The following CAMTA1 variants were observed in gnomAD, a reference collection of about 807,000 sequenced individuals.
CAMTA1 encodes calmodulin binding transcription activator 1.
A neutral mutation model predicts 170.9 loss-of-function variants in CAMTA1; 27 were observed. That is an observed-to-expected ratio of 0.16 (90% CI 0.12 to 0.22). CAMTA1 has a LOEUF of 0.22. Among genes scored for constraint, CAMTA1 ranks in the 10% least tolerant of loss-of-function variants. The pLI is 1.00. For missense variants in CAMTA1, 1,619 were observed against 2,217.2 expected (o/e 0.73, Z 5.42); for synonymous variants, 833 against 891.5 (o/e 0.93, Z 1.17).
chr1:6,835,775 A>T (rs770976463), intron 3 of CAMTA1, among the ~76,000 whole-genome samples: 1 of 152,096 alleles, frequency 6.6e-6, no homozygotes, highest in Non-Finnish European at 1.5e-5. Context: ...CTTTTTTCTC[A>T]TGTCTTTAGC....
At chr1:7,020,880 G>T (rs1701242605) in intron 3 of CAMTA1, among the ~76,000 whole-genome samples, 1 of 152,220 alleles carries the variant, frequency 6.6e-6, no homozygotes, top group African/African-American at 2.4e-5. Context: ...ACAGAGGCAG[G>T]TGATCCCCTG....
chr1:6,792,614 A>C (rs1641435336), intron 1 of CAMTA1, among the ~76,000 whole-genome samples: 1 of 152,060 alleles, frequency 6.6e-6, no homozygotes, highest in African/African-American at 2.4e-5. Context: ...GAACTGATTG[A>C]CATGGCATAA....
At chr1:7,459,423 T>G (rs1314769552) in intron 5 of CAMTA1, among the ~76,000 whole-genome samples, 1 of 152,206 alleles carries the variant, frequency 6.6e-6, no homozygotes, top group Non-Finnish European at 1.5e-5. Context: ...TTGGTCCTCC[T>G]CCTGTGCCTT....
intron 6 of CAMTA1, among the ~76,000 whole-genome samples, chr1:7,529,450 C>A (rs1165342831): frequency 1.3e-5 from 2 of 152,128 alleles, no homozygotes; most frequent in Non-Finnish European, 2.9e-5. Flanking sequence ...GCTCGCTGAG[C>A]CCCCACAGAA....
At chr1:7,734,255 T>C (rs1035851769) in intron 12 of CAMTA1, among the ~76,000 whole-genome samples, 8 of 152,174 alleles carry the variant, frequency 5.3e-5, no homozygotes, top group African/African-American at 1.9e-4. Flanking sequence ...CCGATAGTAC[T>C]AAGTTTTATA....
chr1:7,572,945 G>GA (rs2095142432), intron 6 of CAMTA1, among the ~76,000 whole-genome samples: 4 of 152,288 alleles, frequency 2.6e-5, no homozygotes, highest in Admixed American at 2.6e-4. Context: ...CTCAGCCCCA[G>GA]CCCAGCCCCA....
At chr1:7,030,045 A>G (rs999345194) in intron 3 of CAMTA1, among the ~76,000 whole-genome samples, 4 of 152,220 alleles carry the variant, frequency 2.6e-5, no homozygotes, top group Admixed American at 6.5e-5. Context: ...ACAGATGCAT[A>G]ATTAGAAAAG....
At chr1:7,371,311 G>A (rs890190123) in intron 5 of CAMTA1, among the ~76,000 whole-genome samples, 1 of 151,534 alleles carries the variant, frequency 6.6e-6, no homozygotes, top group African/African-American at 2.4e-5. Flanking sequence ...AGGCTGGAGT[G>A]CAGTGGCGTA....
At chr1:6,849,395 GA>G (rs1659540969) in intron 3 of CAMTA1, among the ~76,000 whole-genome samples, 1 of 152,042 alleles carries the variant, frequency 6.6e-6, no homozygotes. Context: ...AATGAGAGAA[GA>G]AAGAGCTTCC....
At chr1:6,855,204 A>G (rs1008161435) in intron 3 of CAMTA1, among the ~76,000 whole-genome samples, 2 of 152,158 alleles carry the variant, frequency 1.3e-5, no homozygotes, top group African/African-American at 4.8e-5. Flanking sequence ...ACAAACACAA[A>G]TTCCAAATTT....
At chr1:7,614,185 A>C (rs1441776244) in intron 6 of CAMTA1, among the ~76,000 whole-genome samples, 1 of 152,058 alleles carries the variant, frequency 6.6e-6, no homozygotes. Flanking sequence ...CTGAAGGCTC[A>C]GGCTGAGTCC....
chr1:7,196,179 T>C (rs1655491887), intron 4 of CAMTA1, among the ~76,000 whole-genome samples: 2 of 151,894 alleles, frequency 1.3e-5, no homozygotes, highest in African/African-American at 4.9e-5. Flanking sequence ...GGTTTAAAAG[T>C]GTGTGGCACT....
intron 3 of CAMTA1, among the ~76,000 whole-genome samples, chr1:6,916,762 T>TA (rs1680895500): frequency 6.6e-6 from 1 of 152,158 alleles, no homozygotes; most frequent in East Asian, 1.9e-4. Flanking sequence ...TCACAGTAGA[T>TA]ACGTTTTCTG....
chr1:7,752,321 T>C (rs569027712), intron 20 of CAMTA1, 138 bp from the exon 21 acceptor site: 9 of 723,552 alleles, frequency 1.2e-5, no homozygotes, highest in African/African-American at 1.2e-4. Context: ...CCCCTTCAGA[T>C]TGTATACATC....
At chr1:6,903,738 T>C (rs1286245218) in intron 3 of CAMTA1, among the ~76,000 whole-genome samples, 1 of 152,220 alleles carries the variant, frequency 6.6e-6, no homozygotes, top group African/African-American at 2.4e-5. Context: ...ACTTTCCATA[T>C]GCCTAATCTT....
chr1:7,381,501 T>C (rs1383737149), intron 5 of CAMTA1, among the ~76,000 whole-genome samples: 1 of 151,886 alleles, frequency 6.6e-6, no homozygotes, highest in Non-Finnish European at 1.5e-5. Context: ...TTTTTATGGC[T>C]GCATAGTATT....
At chr1:6,832,014 C>CT (rs532124074) in intron 3 of CAMTA1, among the ~76,000 whole-genome samples, 1 of 151,946 alleles carries the variant, frequency 6.6e-6, no homozygotes, top group Non-Finnish European at 1.5e-5. Context: ...GAAAAATGGC[C>CT]TTTAACACTG....
chr1:7,027,536 G>A (rs1010068388), intron 3 of CAMTA1, among the ~76,000 whole-genome samples: 1 of 152,168 alleles, frequency 6.6e-6, no homozygotes, highest in Non-Finnish European at 1.5e-5. Context: ...TACTCCATCA[G>A]CTTGGTGTTT....
At chr1:7,339,240 G>A (rs769449309) in intron 5 of CAMTA1, among the ~76,000 whole-genome samples, 4 of 152,224 alleles carry the variant, frequency 2.6e-5, no homozygotes, top group Non-Finnish European at 5.9e-5. Context: ...ATATACTAAA[G>A]CCACTCCATT....
Sources: gnomAD v4.1 joint callset for allele counts (sites outside exome capture counted in the v4.1 genomes callset) on GRCh38, gnomAD v4.1.1 for gene constraint, MANE v1.5 for transcripts, NCBI Gene and HGNC (gene_info 2026-07-23, HGNC 2026-07-21) for gene names.